The following ARK2C variants were observed in gnomAD, a reference collection of about 807,000 sequenced individuals.
The protein encoded by ARK2C is E3 ubiquitin-protein ligase ARK2C.
the ARK2C span, chr18:46,336,630 C>G: frequency 1.0e-6 from 1 of 985,394 alleles, no homozygotes. Flanking sequence ...TTTTTAGTTT[C>G]CATTGTAGTA....
At chr18:46,377,047 C>A in the ARK2C span, among the ~76,000 whole-genome samples, 21 of 152,188 alleles carry the variant, frequency 1.4e-4, no homozygotes, top group South Asian at 4.1e-4. Context: ...GGTCAGGCAC[C>A]TAGGAGGAGG....
chr18:46,334,927 C>A, the ARK2C span: 1 of 157,950 alleles, frequency 6.3e-6, no homozygotes, highest in East Asian at 1.8e-4. This position sits in a 1 kb window ranked among gnomAD's most constrained non-coding sequence, Gnocchi z 4.4. Flanking sequence ...TCCATCCCAT[C>A]CTTTTTTCGT....
the ARK2C span, chr18:46,456,779 G>C: frequency 1.5e-6 from 1 of 687,400 alleles, no homozygotes; most frequent in South Asian, 1.7e-5. Flanking sequence ...GGAGTTGGTG[G>C]TATCGGTGTC....
At chr18:46,369,398 G>A in the ARK2C span, among the ~76,000 whole-genome samples, 1 of 152,096 alleles carries the variant, frequency 6.6e-6, no homozygotes, top group East Asian at 1.9e-4. Flanking sequence ...GCAGGGGGGT[G>A]GGAGAGGACA....
chr18:46,359,402 G>C, the ARK2C span, among the ~76,000 whole-genome samples: 1 of 152,212 alleles, frequency 6.6e-6, no homozygotes, highest in African/African-American at 2.4e-5. Flanking sequence ...CTCCTGAGCA[G>C]GTGGCACATG....
chr18:46,398,459 G>A, the ARK2C span, among the ~76,000 whole-genome samples: 1 of 152,020 alleles, frequency 6.6e-6, no homozygotes, highest in Non-Finnish European at 1.5e-5. Context: ...TACCCCCAAG[G>A]TGCCTGCTGG....
At chr18:46,349,954 C>T in the ARK2C span, among the ~76,000 whole-genome samples, 1 of 152,260 alleles carries the variant, frequency 6.6e-6, no homozygotes, top group African/African-American at 2.4e-5. Flanking sequence ...AACAGCAGCA[C>T]GCATTCATTT....
At chr18:46,418,966 AT>A in the ARK2C span, among the ~76,000 whole-genome samples, 2 of 152,262 alleles carry the variant, frequency 1.3e-5, no homozygotes, top group Non-Finnish European at 2.9e-5. Context: ...GCATTTGCAC[AT>A]TGAAAGTAAA....
chr18:46,395,712 A>G, the ARK2C span, among the ~76,000 whole-genome samples: 1 of 152,192 alleles, frequency 6.6e-6, no homozygotes, highest in Non-Finnish European at 1.5e-5. Context: ...GCTGGTGTTT[A>G]CCTGGGAAAA....
chr18:46,421,685 T>A, the ARK2C span, among the ~76,000 whole-genome samples: 1 of 152,224 alleles, frequency 6.6e-6, no homozygotes, highest in Admixed American at 6.5e-5. Context: ...TTCTTTCCCT[T>A]ACTCCTGGTC....
the ARK2C span, among the ~76,000 whole-genome samples, chr18:46,416,068 G>A: frequency 2.0e-5 from 3 of 152,174 alleles, no homozygotes; most frequent in African/African-American, 4.8e-5. Context: ...CATGTCATGG[G>A]GGTGGAGAGG....
the ARK2C span, among the ~76,000 whole-genome samples, chr18:46,369,992 A>G: frequency 4.6e-5 from 7 of 152,124 alleles, no homozygotes; most frequent in African/African-American, 1.4e-4. Flanking sequence ...AGACTTGGGA[A>G]TGATTCTGGT....
chr18:46,405,716 G>A, the ARK2C span, among the ~76,000 whole-genome samples: 1 of 152,122 alleles, frequency 6.6e-6, no homozygotes, highest in African/African-American at 2.4e-5. Context: ...TGAGTCTGAT[G>A]TGTATTTGGG....
chr18:46,338,878 G>GC, the ARK2C span, among the ~76,000 whole-genome samples: 1 of 152,162 alleles, frequency 6.6e-6, no homozygotes, highest in Non-Finnish European at 1.5e-5. Flanking sequence ...TGACTCCCCG[G>GC]CTCACCCTGC....
At chr18:46,379,406 G>A in the ARK2C span, among the ~76,000 whole-genome samples, 3 of 152,158 alleles carry the variant, frequency 2.0e-5, no homozygotes, top group East Asian at 5.8e-4. Flanking sequence ...TATTCTTCCA[G>A]ATTCTAAAGG....
chr18:46,379,879 C>T, the ARK2C span, among the ~76,000 whole-genome samples: 1 of 152,170 alleles, frequency 6.6e-6, no homozygotes, highest in African/African-American at 2.4e-5. Context: ...AAACCATCTG[C>T]ATGGCTGTCC....
chr18:46,344,362 C>A, the ARK2C span, among the ~76,000 whole-genome samples: 1 of 151,314 alleles, frequency 6.6e-6, no homozygotes, highest in South Asian at 2.1e-4. Flanking sequence ...CCCCTTCTCC[C>A]CCCGCCCCCA....
chr18:46,397,505 TGGTCATGCTGAG>T, the ARK2C span, among the ~76,000 whole-genome samples: 3 of 97,140 alleles, frequency 3.1e-5, no homozygotes, highest in East Asian at 3.4e-4. Flanking sequence ...TGTGTGTGTG[TGGTCATGCTGAG>T]GTGTGAGGTG....
the ARK2C span, among the ~76,000 whole-genome samples, chr18:46,362,998 G>A: frequency 6.6e-6 from 1 of 152,220 alleles, no homozygotes; most frequent in Non-Finnish European, 1.5e-5. Flanking sequence ...CAGAAAAAGT[G>A]TAGAGTTAAA....
Sources: gnomAD v4.1 joint callset for allele counts (sites outside exome capture counted in the v4.1 genomes callset) on GRCh38, gnomAD v4.1.1 for gene constraint, Gnocchi (gnomAD v3.1) non-coding constraint, MANE v1.5 for transcripts, NCBI Gene and HGNC (gene_info 2026-07-23, HGNC 2026-07-21) for gene names.